The following VEGFC variants were observed in gnomAD, a reference collection of about 807,000 sequenced individuals.
The protein encoded by VEGFC is FLT4 ligand DHM.
Under a neutral mutation model 46.1 loss-of-function variants are expected in VEGFC, and 12 were observed. The observed-to-expected ratio is 0.26, with a 90% CI of 0.17 to 0.42. VEGFC has a LOEUF of 0.42. VEGFC is among the 10% of genes least tolerant of loss of function. The probability of loss-of-function intolerance (pLI) is 1.00; values close to 1 mark genes in which losing one functional copy is unlikely to be tolerated. For synonymous variants in VEGFC, 232 were observed against 195.5 expected, an observed-to-expected ratio of 1.19 and a Z score of -1.56; for missense variants, 488 against 529.4, an observed-to-expected ratio of 0.92 and a Z score of 0.77.
At position 176,763,056 on chromosome 4, in the gene VEGFC, C is replaced by CTCCTCCTT. The variant is rs1213890591; in HGVS notation, c.147+29108_147+29109insAAGGAGGA. On this transcript the variant is annotated intron_variant, in intron 1 of 6. Transcript: ENST00000618562. ...AGAAATCTCCTCCTTGGGATATAAT[C>CTCCTCCTT]AGGAGAAAGCTCTCATCCTAGTTGT... Among the ~76,000 whole-genome samples the CTCCTCCTT allele has an allele frequency of 2.5e-4, 38 of 152,322 alleles. 1 individual carries two copies. The highest frequency in any genetic ancestry group is 8.9e-4 in the African/African-American group (37 of 41,574).
intron 4 of VEGFC, among the ~76,000 whole-genome samples, chr4:176,707,509 CAG>C (rs1328170858): frequency 6.6e-6 from 1 of 151,790 alleles, no homozygotes; most frequent in Non-Finnish European, 1.5e-5. Context: ...CAAAGAAAAA[CAG>C]AATAGAAAAA....
chr4:176,736,523 T>C (rs1233796860), intron 1 of VEGFC, among the ~76,000 whole-genome samples: 2 of 151,644 alleles, frequency 1.3e-5, no homozygotes, highest in Non-Finnish European at 2.9e-5. Flanking sequence ...TGTGATGATT[T>C]AAAAAGATGT....
At chr4:176,722,142 G>GA (rs1229448478) in intron 3 of VEGFC, among the ~76,000 whole-genome samples, 8 of 149,808 alleles carry the variant, frequency 5.3e-5, no homozygotes, top group East Asian at 3.9e-4. Flanking sequence ...AAAAAAAACT[G>GA]AAAAAAAAAT....
intron 1 of VEGFC, among the ~76,000 whole-genome samples, chr4:176,760,725 T>A (rs911051294): frequency 1.3e-5 from 2 of 152,190 alleles, no homozygotes; most frequent in African/African-American, 4.8e-5. Context: ...ATTTTTCCCA[T>A]GCATGTGATA....
At chr4:176,703,491 G>C (rs868859980) in intron 4 of VEGFC, among the ~76,000 whole-genome samples, 6 of 152,042 alleles carry the variant, frequency 3.9e-5, no homozygotes, top group South Asian at 4.1e-4. Context: ...CAGTTGTGGG[G>C]GGAATGAAGA....
intron 1 of VEGFC, among the ~76,000 whole-genome samples, chr4:176,778,312 C>T (rs930315566): frequency 1.3e-5 from 2 of 151,904 alleles, no homozygotes; most frequent in African/African-American, 2.4e-5. Flanking sequence ...GGAAGTTACA[C>T]AGAATTTCGA....
chr4:176,708,084 C>T (rs1277864263), intron 4 of VEGFC, among the ~76,000 whole-genome samples: 1 of 151,678 alleles, frequency 6.6e-6, no homozygotes, highest in Non-Finnish European at 1.5e-5. Flanking sequence ...TTTTCTCATA[C>T]TGAGCAAAGT....
At chr4:176,723,295 ATATATG>A (rs1428611292) in intron 3 of VEGFC, among the ~76,000 whole-genome samples, 1 of 152,122 alleles carries the variant, frequency 6.6e-6, no homozygotes, top group African/African-American at 2.4e-5. Flanking sequence ...TTACAGATAC[ATATATG>A]TATATCTGTA....
At chr4:176,789,195 A>C (rs1193203133) in intron 1 of VEGFC, among the ~76,000 whole-genome samples, 5 of 152,202 alleles carry the variant, frequency 3.3e-5, no homozygotes, top group African/African-American at 4.8e-5. Context: ...CCTTCCTCTC[A>C]AGAGGAACCG....
chr4:176,787,456 C>CAAAAA, intron 1 of VEGFC, among the ~76,000 whole-genome samples: 1 of 114,244 alleles, frequency 8.8e-6, no homozygotes, highest in South Asian at 3.2e-4. Flanking sequence ...GACCCTGTCT[C>CAAAAA]AAAAAAAAAA....
intron 1 of VEGFC, among the ~76,000 whole-genome samples, chr4:176,786,356 C>T (rs1327395017): frequency 6.6e-6 from 1 of 152,204 alleles, no homozygotes; most frequent in Non-Finnish European, 1.5e-5. Context: ...TTCTAGTTCC[C>T]CAAATATCCC....
intron 3 of VEGFC, among the ~76,000 whole-genome samples, chr4:176,726,976 A>G (rs1244087870): frequency 6.6e-6 from 1 of 152,190 alleles, no homozygotes; most frequent in Admixed American, 6.5e-5. Flanking sequence ...GTCTTTCGGG[A>G]GAAGTTTGCT....
intron 4 of VEGFC, among the ~76,000 whole-genome samples, chr4:176,692,791 G>A (rs1487647083): frequency 2.0e-5 from 3 of 147,086 alleles, no homozygotes; most frequent in South Asian, 4.2e-4. Context: ...AGAACGGGCA[G>A]ACTGCTTCCT....
chr4:176,729,971 T>A (rs531190858), intron 1 of VEGFC, among the ~76,000 whole-genome samples: 3 of 152,250 alleles, frequency 2.0e-5, no homozygotes, highest in South Asian at 2.1e-4. Context: ...AGGAAAAAAA[T>A]TTTGTGATAT....
chr4:176,708,975 A>G (rs1250448845), intron 4 of VEGFC, among the ~76,000 whole-genome samples: 1 of 152,172 alleles, frequency 6.6e-6, no homozygotes, highest in Non-Finnish European at 1.5e-5. Context: ...CTACCTGATC[A>G]CAGAGAATGA....
At chr4:176,743,746 T>C (rs909169675) in intron 1 of VEGFC, among the ~76,000 whole-genome samples, 2 of 152,008 alleles carry the variant, frequency 1.3e-5, no homozygotes, top group Admixed American at 6.6e-5. Context: ...TATAAATGTA[T>C]GTAGGCATTT....
chr4:176,744,141 G>A (rs1735222455), intron 1 of VEGFC, among the ~76,000 whole-genome samples: 1 of 151,976 alleles, frequency 6.6e-6, no homozygotes, highest in African/African-American at 2.4e-5. Flanking sequence ...TGTTGAAAAT[G>A]TTTGATGGTG....
chr4:176,779,799 T>C (rs1196768974), intron 1 of VEGFC, among the ~76,000 whole-genome samples: 1 of 151,956 alleles, frequency 6.6e-6, no homozygotes, highest in Non-Finnish European at 1.5e-5. Context: ...GTTAATACGT[T>C]AGGCTTAGAA....
chr4:176,746,499 C>A (rs1579119844), intron 1 of VEGFC, among the ~76,000 whole-genome samples: 1 of 152,016 alleles, frequency 6.6e-6, no homozygotes, highest in African/African-American at 2.4e-5. Context: ...GGAAAAAAGC[C>A]CTCTTAATTT....
Sources: gnomAD v4.1 joint callset for allele counts (sites outside exome capture counted in the v4.1 genomes callset) on GRCh38, gnomAD v4.1.1 for gene constraint, MANE v1.5 for transcripts, NCBI Gene and HGNC (gene_info 2026-07-23, HGNC 2026-07-21) for gene names.